BANK1: variants seen among roughly 807,000 people sequenced by gnomAD.
BANK1 encodes the protein B cell scaffold protein with ankyrin repeats 1.
A neutral mutation model predicts 94.5 loss-of-function variants in BANK1; 95 were observed. That is an observed-to-expected ratio of 1.00 (90% confidence interval 0.85 to 1.19). The LOEUF (loss-of-function observed/expected upper bound fraction) is 1.19, where lower values mean the gene tolerates loss of function less well. Ranked by LOEUF, BANK1 falls within the 50% of genes most tolerant of loss-of-function variation. BANK1 has a pLI of 0.00. For missense variants in BANK1, 987 were observed against 932.2 expected, an observed-to-expected ratio of 1.06 and a Z score of -0.77; for synonymous variants, 334 against 308.4, an observed-to-expected ratio of 1.08 and a Z score of -0.87.
At chr4:101,842,654 G>C (rs766434290) in intron 2 of BANK1, among the ~76,000 whole-genome samples, 1 of 152,098 alleles carries the variant, frequency 6.6e-6, no homozygotes, top group Admixed American at 6.6e-5. Flanking sequence ...AGATATATAC[G>C]TACTCAAGTC....
intron 7 of BANK1, among the ~76,000 whole-genome samples, chr4:102,003,929 A>G (rs577940628): frequency 2.0e-5 from 3 of 151,390 alleles, no homozygotes; most frequent in Non-Finnish European, 4.4e-5. Flanking sequence ...ATATATGTAT[A>G]TGTGTATATA....
chr4:102,050,365 C>T (rs546195200), intron 11 of BANK1, among the ~76,000 whole-genome samples: 26 of 152,296 alleles, frequency 1.7e-4, no homozygotes, highest in African/African-American at 6.3e-4. Context: ...CTATACCAGT[C>T]ACTTCCAACT....
chr4:101,965,538 T>C (rs1274860029), intron 7 of BANK1, among the ~76,000 whole-genome samples: 1 of 152,104 alleles, frequency 6.6e-6, no homozygotes, highest in Non-Finnish European at 1.5e-5. Flanking sequence ...CGTAACCTTT[T>C]GTTACAAAAC....
At chr4:101,834,225 G>A (rs954001960) in intron 2 of BANK1, among the ~76,000 whole-genome samples, 7 of 152,006 alleles carry the variant, frequency 4.6e-5, no homozygotes, top group African/African-American at 7.2e-5. Context: ...ATTCATGCTC[G>A]GTAAGAGGAA....
Position 102,071,189 on chromosome 4 carries a change from A to G in BANK1, c.2213-86A>G, listed in dbSNP as rs1030462718. ...CATAGCAACCTCAAAGACAAGAAGTAGTCCAACAATTAAAAAAATAAGAGA... is the reference window on the plus strand; with the variant it reads ...CATAGCAACCTCAAAGACAAGAAGTGGTCCAACAATTAAAAAAATAAGAGA... On this transcript the variant is annotated intron_variant, in intron 13 of 16. Coordinates refer to ENST00000322953, the MANE Select transcript of BANK1 (RefSeq NM_017935.5). The G allele has an allele frequency of 5.0e-6, 7 of 1,411,222 alleles. No homozygotes were observed. The African/African-American group carries it at 5.7e-5, about 11-fold the overall frequency. The allele number at this position is 1,411,222 out of a possible 1,614,324, so 87.4% of individuals were successfully genotyped here. A position where few individuals can be genotyped will look rare whatever the true frequency, so the allele number is the denominator to read the frequency against.
Position 101,806,461 on chromosome 4 carries a change from CAT to C in BANK1, c.70+15513_70+15514del, listed in dbSNP as rs199857731. The stretch of plus-strand genomic sequence containing the variant: ...AGAAAGACTGAGTAGTTCTTAATAA[CAT>C]AGAAATACGTTGCACTGGATTTGAA... On this transcript the variant is annotated intron_variant, in intron 1 of 16. Coordinates refer to ENST00000322953, the MANE Select transcript of BANK1 (RefSeq NM_017935.5). 7.3e-3 allele frequency among the ~76,000 whole-genome samples: 1,108 copies of C among 152,214 alleles called. 12 individuals carry two copies. The highest frequency in any genetic ancestry group is 0.026 in the African/African-American group (1,062 of 41,550).
intron 7 of BANK1, among the ~76,000 whole-genome samples, chr4:101,920,080 A>G (rs1015306567): frequency 9.2e-5 from 14 of 151,932 alleles, no homozygotes; most frequent in Non-Finnish European, 1.9e-4. Flanking sequence ...ACTGTCATGG[A>G]TGAAGCTGGA....
Position 101,935,967 on chromosome 4 carries a change from G to T in BANK1, c.1206+17778G>T, listed in dbSNP as rs531788535. 2.6e-5 allele frequency among the ~76,000 whole-genome samples: 4 copies of T among 151,506 alleles called. No individual in the cohort carries two copies. The South Asian group carries it at 8.3e-4, about 31-fold the overall frequency. On this transcript the variant is annotated intron_variant, in intron 7 of 16. Transcript: ENST00000322953. ...ACGTCAAGCTATGAATCTATTAAAA[G>T]AAAACATGGTGAAACCCTCCAGCAC...
At chr4:102,042,943 TAAC>T (rs1727751290) in intron 10 of BANK1, among the ~76,000 whole-genome samples, 1 of 152,188 alleles carries the variant, frequency 6.6e-6, no homozygotes, top group South Asian at 2.1e-4. Flanking sequence ...ACATCTCTGC[TAAC>T]AACAACTCTG....
chr4:101,956,959 G>A (rs2148917148), intron 7 of BANK1, among the ~76,000 whole-genome samples: 2 of 152,184 alleles, frequency 1.3e-5, no homozygotes, highest in East Asian at 1.9e-4. Context: ...TCTTGATCTT[G>A]CCCAGGCCTT....
At chr4:101,902,555 A>G (rs1439436757) in intron 6 of BANK1, among the ~76,000 whole-genome samples, 1 of 152,168 alleles carries the variant, frequency 6.6e-6, no homozygotes, top group African/African-American at 2.4e-5. Context: ...AATTTGACTG[A>G]TGTTTATTCC....
At chr4:101,854,263 C>G (rs1038095161) in intron 2 of BANK1, among the ~76,000 whole-genome samples, 5 of 152,008 alleles carry the variant, frequency 3.3e-5, no homozygotes, top group Non-Finnish European at 7.4e-5. Flanking sequence ...ACATTTTGGG[C>G]TTTGAGACAC....
chr4:102,031,585 T>C (rs566447173), intron 10 of BANK1, among the ~76,000 whole-genome samples: 1 of 152,282 alleles, frequency 6.6e-6, no homozygotes, highest in South Asian at 2.1e-4. Flanking sequence ...TGAGTTCCGG[T>C]TTCTACTTCC....
At chr4:101,876,626 T>C (rs1452236198) in intron 5 of BANK1, among the ~76,000 whole-genome samples, 1 of 152,138 alleles carries the variant, frequency 6.6e-6, no homozygotes, top group East Asian at 1.9e-4. Context: ...TACCTAACTC[T>C]TCAATGCCCA....
At chr4:101,829,113 C>T (rs1460179165) in intron 1 of BANK1, among the ~76,000 whole-genome samples, 3 of 152,108 alleles carry the variant, frequency 2.0e-5, no homozygotes, top group Non-Finnish European at 4.4e-5. Flanking sequence ...CAGCCCGCCT[C>T]AGCCTCCCAA....
At chr4:102,053,101 T>C (rs912567258) in intron 11 of BANK1, among the ~76,000 whole-genome samples, 2 of 152,144 alleles carry the variant, frequency 1.3e-5, no homozygotes, top group Non-Finnish European at 2.9e-5. Flanking sequence ...TGAAGAAGGG[T>C]TTGTTCTCAG....
Position 101,842,287 on chromosome 4 carries a change from T to G in BANK1, c.469+12081T>G, listed in dbSNP as rs552481333. On this transcript the variant is annotated intron_variant, in intron 2 of 16. Coordinates refer to ENST00000322953, the MANE Select transcript of BANK1 (RefSeq NM_017935.5). The stretch of plus-strand genomic sequence containing the variant: ...AATAGCACTTAGACAAGAGATTATA[T>G]GATTTCTCTTCCATTATTTGTTCAC... 2.0e-5 allele frequency among the ~76,000 whole-genome samples: 3 copies of G among 152,372 alleles called. No homozygotes were observed. The South Asian group carries it at 6.2e-4, about 32-fold the overall frequency.
At chr4:101,818,040 C>T (rs1725985762) in intron 1 of BANK1, among the ~76,000 whole-genome samples, 1 of 152,098 alleles carries the variant, frequency 6.6e-6, no homozygotes, top group South Asian at 2.1e-4. Flanking sequence ...ACAAATGTAT[C>T]ATATTATGAC....
intron 3 of BANK1, among the ~76,000 whole-genome samples, chr4:101,862,194 C>T (rs4572884): frequency 0.44 from 66,294 of 151,794 alleles, 15,257 homozygotes; most frequent in African/African-American, 0.58. Context: ...TGCTGGTCTG[C>T]GAAATGATGC....
Sources: gnomAD v4.1 joint callset for allele counts (sites outside exome capture counted in the v4.1 genomes callset) on GRCh38, gnomAD v4.1.1 for gene constraint, MANE v1.5 for transcripts, NCBI Gene and HGNC (gene_info 2026-07-23, HGNC 2026-07-21) for gene names.